Variants in PRRT2 observed in about 807,000 individuals in gnomAD.
PRRT2 encodes the protein proline-rich transmembrane protein 2.
In PRRT2, 9 loss-of-function variants were observed where a neutral mutation model predicts 24.7. The observed-to-expected ratio is 0.36, with a 90% CI of 0.22 to 0.64. The LOEUF (loss-of-function observed/expected upper bound fraction) is 0.64. Ranked by LOEUF, PRRT2 falls within the 30% of genes least tolerant of loss-of-function variation. The pLI is 0.65. For synonymous variants in PRRT2, 195 were observed against 175.5 expected, an observed-to-expected ratio of 1.11 and a Z score of -0.88; for missense variants, 460 against 435.0, an observed-to-expected ratio of 1.06 and a Z score of -0.51.
In PRRT2 at chr16:29,813,472, C is replaced by T. The variant is rs1365777114; in HGVS notation, c.418C>T (p.Pro140Ser). 6.2e-7 allele frequency: 1 copy of T among 1,613,744 alleles called. No individual in the cohort carries two copies. The change falls in exon 2 of 4, where the codon CCC becomes TCC. Residue 140 changes from proline to serine, a missense_variant. Physicochemically the swap from Pro to Ser is moderately conservative, Grantham distance 74. Around this residue, in one of 3 missense-constraint regions of PRRT2, gnomAD observed 378 missense variants for 324.6 expected, o/e 1.16. Transcript: ENST00000358758. ...ACCTGAACCAGCCCCAGAGCCTGCT[C>T]CCCAACCAGACCCCCGGCCAGATTC... Reference protein sequence around the residue: ...APPEPAPEPAPQPDPRPDSQP... With the variant: ...APPEPAPEPASQPDPRPDSQP...
At position 29,813,551 on chromosome 16, in the gene PRRT2, C is replaced by T. The variant is rs1263491405; in HGVS notation, c.497C>T (p.Pro166Leu). The T allele has an allele frequency of 3.7e-6, 6 of 1,613,742 alleles. No individual in the cohort carries two copies. The South Asian group carries it at 4.4e-5, about 12-fold the overall frequency. ...CCAGAGCTCCCTACCCAGGAGGACC[C>T]CACCCCTGAGATTCTGTCTGAGAGT... ...LQPELPTQED[P>L]TPEILSESVG... Residue 166 changes from proline (P) to leucine (L), a missense_variant, in exon 2 of 4, where the codon CCC becomes CTC. Around this residue, in one of 3 missense-constraint regions of PRRT2, gnomAD observed 378 missense variants for 324.6 expected, o/e 1.16. Coordinates refer to ENST00000358758, the MANE Select transcript of PRRT2 (RefSeq NM_145239.3).
rs1394325988 is a variant in PRRT2, at chr16:29,813,115, C to G, written c.61C>G (p.Pro21Ala). ...GGGGGTTGAGGAGAGTCCCAAGGTTCCAGGCGAAGGGCCTGGCCATTCTGA... is the reference window on the plus strand; with the variant it reads ...GGGGGTTGAGGAGAGTCCCAAGGTTGCAGGCGAAGGGCCTGGCCATTCTGA... ...MKGVEESPKV[P>A]GEGPGHSEAE... is the part of the protein sequence containing the mutation. The change falls in exon 2 of 4, where the codon CCA becomes GCA. Residue 21 changes from proline (P) to alanine (A), a missense_variant. Pro to Ala is a conservative substitution (Grantham distance 27). Transcript: ENST00000358758. The G allele has an allele frequency of 2.5e-6, 4 of 1,613,748 alleles. No homozygotes were observed. Among genetic ancestry groups the G allele is most frequent in the Non-Finnish European group, 3.4e-6 (4 of 1,179,912 alleles).
Position 29,813,116 on chromosome 16 carries a change from C to T in PRRT2, c.62C>T (p.Pro21Leu). The T allele has an allele frequency of 6.2e-7, 1 of 1,613,902 alleles. No individual in the cohort carries two copies. The highest frequency in any genetic ancestry group is 8.5e-7 in the Non-Finnish European group (1 of 1,179,924). Residue 21 changes from proline (P) to leucine (L), a missense_variant, in exon 2 of 4, where the codon CCA becomes CTA. Pro to Leu is a moderately conservative substitution (Grantham distance 98). Coordinates refer to ENST00000358758, the MANE Select transcript of PRRT2 (RefSeq NM_145239.3). ...MKGVEESPKV[P>L]GEGPGHSEAE... The stretch of plus-strand genomic sequence containing the variant: ...GGGGTTGAGGAGAGTCCCAAGGTTC[C>T]AGGCGAAGGGCCTGGCCATTCTGAA...
In PRRT2 at chr16:29,814,207, T is replaced by G; in HGVS notation, c.880-126T>G. 6.7e-7 allele frequency: 1 copy of G among 1,493,024 alleles called. No homozygotes were observed. Among genetic ancestry groups the G allele is most frequent in the Non-Finnish European group, 8.8e-7 (1 of 1,130,396 alleles). The allele number at this position is 1,493,024 out of a possible 1,614,324, so 92.5% of individuals were successfully genotyped here. A position where few individuals can be genotyped will look rare whatever the true frequency, so the allele number is the denominator to read the frequency against. The stretch of plus-strand genomic sequence containing the variant: ...CTCCCCCTGCCCCTTCACTCCTCCT[T>G]CCTCCCTTACCCGCCATCTATGGGG... On this transcript the variant is annotated intron_variant, in intron 2 of 3. Coordinates refer to ENST00000358758, the MANE Select transcript of PRRT2 (RefSeq NM_145239.3). The surrounding 1 kb of genome is among the most constrained non-coding windows in gnomAD (Gnocchi z 4.1).
Position 29,814,957 on chromosome 16 carries a change from A to C in PRRT2, c.*319A>C. The C allele has an allele frequency of 1.2e-5, 4 of 339,098 alleles. No individual in the cohort carries two copies. Among genetic ancestry groups the C allele is most frequent in the African/African-American group, 2.2e-5 (1 of 45,878 alleles). 21.0% of individuals were successfully genotyped at this position (339,098 alleles called of 1,614,324 possible). ...GGAAACCTCCCTGAACACCTCCCCA[A>C]CTCTGCGCTCTCAGCCTCCCTGCAT... On this transcript the variant is annotated 3_prime_UTR_variant, in exon 4 of 4. Transcript: ENST00000358758. The surrounding 1 kb of genome is among the most constrained non-coding windows in gnomAD (Gnocchi z 4.1).
In PRRT2 at chr16:29,813,026, A is replaced by G. The variant is rs1410903605; in HGVS notation, c.-29A>G. ...GTCTCTGCTATTCCATCCTCCCCATAGGGGCTCTCTCCCCTCTCCCATCTC... is the reference window on the plus strand; with the variant it reads ...GTCTCTGCTATTCCATCCTCCCCATGGGGGCTCTCTCCCCTCTCCCATCTC... On this transcript the variant is annotated 5_prime_UTR_variant, in exon 2 of 4. In the 5' UTR this introduces an upstream ATG that the reference lacks. Coordinates refer to ENST00000358758, the MANE Select transcript of PRRT2 (RefSeq NM_145239.3). 6.4e-7 allele frequency: 1 copy of G among 1,567,316 alleles called. No individual in the cohort carries two copies.
rs10569553 is a variant in PRRT2 at position 29,815,724 on chromosome 16, TAAAAAAA to T, written c.*1107_*1113del. The T allele has an allele frequency of 1.6e-4, 5 of 30,352 alleles. No homozygotes were observed. The highest frequency in any genetic ancestry group is 4.1e-4 in the African/African-American group (3 of 7,364). 1.9% of individuals were successfully genotyped at this position (30,352 alleles called of 1,614,324 possible). A position where few individuals can be genotyped will look rare whatever the true frequency, so the allele number is the denominator to read the frequency against. On this transcript the variant is annotated 3_prime_UTR_variant, in exon 4 of 4. Coordinates refer to ENST00000358758, the MANE Select transcript of PRRT2 (RefSeq NM_145239.3). ...CGGATTTGGCGGGGGTTTTTTTCCTTAAAAAAAAAAAAAAAAAAAAAAAAAAAGTCTG... is the reference window on the plus strand; with the variant it reads ...CGGATTTGGCGGGGGTTTTTTTCCTTAAAAAAAAAAAAAAAAAAAAGTCTG...
At position 29,814,317 on chromosome 16, in the gene PRRT2, C is replaced by T. The variant is rs1482601020; in HGVS notation, c.880-16C>T. The T allele has an allele frequency of 1.4e-5, 22 of 1,581,192 alleles. No individual in the cohort carries two copies. The Admixed American group carries it at 3.2e-4, about 23-fold the overall frequency. ...TGACCCCGGCTATGTGCCTCCACCC[C>T]TCGCCCTAACCCCAGTCCCGGAACA... On this transcript the variant is annotated splice_polypyrimidine_tract_variant and intron_variant, in intron 2 of 3. Transcript: ENST00000358758. This position sits in a 1 kb window ranked among gnomAD's most constrained non-coding sequence, Gnocchi z 4.1.
Position 29,813,457 on chromosome 16 carries a change from G to C in PRRT2, c.403G>C (p.Ala135Pro). ...RLESAAPPEP[A>P]PEPAPQPDPR... ...GGAGTCTGCAGCCCCACCTGAACCA[G>C]CCCCAGAGCCTGCTCCCCAACCAGA... Residue 135 changes from alanine (A) to proline (P), a missense_variant, in exon 2 of 4, where the codon GCC (alanine) becomes CCC (proline). Ala to Pro is a conservative substitution (Grantham distance 27). Around this residue, in one of 3 missense-constraint regions of PRRT2, gnomAD observed 378 missense variants for 324.6 expected, o/e 1.16. Transcript: ENST00000358758. The C allele has an allele frequency of 6.2e-7, 1 of 1,613,838 alleles. No individual in the cohort carries two copies. The highest frequency in any genetic ancestry group is 2.2e-5 in the East Asian group (1 of 44,880).
chr16:29,815,110 A>C lies in PRRT2; in HGVS notation c.*472A>C. 6.2e-6 allele frequency: 1 copy of C among 162,394 alleles called. No individual in the cohort carries two copies. 10.1% of individuals were successfully genotyped at this position (162,394 alleles called of 1,614,324 possible). A position where few individuals can be genotyped will look rare whatever the true frequency, so the allele number is the denominator to read the frequency against. ...CAGTCCTCTCTTCCTTCCCTTCTTTATCATCTCCCCTTTCCTCTCCACGTC... is the reference window on the plus strand; with the variant it reads ...CAGTCCTCTCTTCCTTCCCTTCTTTCTCATCTCCCCTTTCCTCTCCACGTC... On this transcript the variant is annotated 3_prime_UTR_variant, in exon 4 of 4. Coordinates refer to ENST00000358758, the MANE Select transcript of PRRT2 (RefSeq NM_145239.3).
In PRRT2 at chr16:29,813,175, G is replaced by T; in HGVS notation, c.121G>T (p.Val41Leu). ...TGGCCCTCCCCAGGTCCTAGCAGGGGTACCAGACCAGCCAGAGGCCCCGCA... is the reference window on the plus strand; with the variant it reads ...TGGCCCTCCCCAGGTCCTAGCAGGGTTACCAGACCAGCCAGAGGCCCCGCA... ...ETGPPQVLAG[V>L]PDQPEAPQPG... The change falls in exon 2 of 4, where the codon GTA becomes TTA. Residue 41 changes from valine (V) to leucine (L), a missense_variant. Val to Leu is a conservative substitution (Grantham distance 32). Around this residue, in one of 3 missense-constraint regions of PRRT2, gnomAD observed 378 missense variants for 324.6 expected, o/e 1.16. Transcript: ENST00000358758. The T allele has an allele frequency of 6.2e-7, 1 of 1,613,976 alleles. No homozygotes were observed. The highest frequency in any genetic ancestry group is 8.5e-7 in the Non-Finnish European group (1 of 1,180,004).
In PRRT2 at chr16:29,813,941, C is replaced by T. The variant is rs748085126; in HGVS notation, c.879+8C>T. ...TTCGCTTATGCTGTCATGGTGAGCC[C>T]CATGGGACCCTAGCCCAGGCCTGCT... On this transcript the variant is annotated splice_region_variant and intron_variant, in intron 2 of 3. Transcript: ENST00000358758. The T allele has an allele frequency of 4.5e-6, 7 of 1,571,222 alleles. No individual in the cohort carries two copies. The highest frequency in any genetic ancestry group is 6.0e-6 in the Non-Finnish European group (7 of 1,157,510).
At chr16:29,812,435 G>A (rs1900021657) in intron 1 of PRRT2, 112 bp downstream of exon 1, 1 of 153,056 alleles carries the variant, frequency 6.5e-6, no homozygotes, top group Admixed American at 6.5e-5. Flanking sequence ...GGTGCTGGGC[G>A]GGCTGAACCA....
In PRRT2 at chr16:29,814,417, G is replaced by T. The variant is rs778438274; in HGVS notation, c.964G>T (p.Val322Leu). The T allele has an allele frequency of 1.9e-6, 3 of 1,608,494 alleles. No individual in the cohort carries two copies. Among genetic ancestry groups the T allele is most frequent in the East Asian group, 2.2e-5 (1 of 44,858 alleles). The change falls in exon 3 of 4, where the codon GTG becomes TTG. Residue 322 changes from valine to leucine, a missense_variant. Val to Leu is a conservative substitution (Grantham distance 32, BLOSUM62 1). Around this residue, in one of 3 missense-constraint regions of PRRT2, gnomAD observed 64 missense variants for 71.2 expected, o/e 0.90. Transcript: ENST00000358758. The surrounding 1 kb of genome is among the most constrained non-coding windows in gnomAD (Gnocchi z 4.1). ...VAKLLSIVAL[V>L]GGVLIIIASC... Reference sequence around the variant, plus strand: ...CAAGCTCTTAAGCATCGTGGCGCTGGTGGGGGGAGTCCTCATCATCATCGC... The same window carrying T: ...CAAGCTCTTAAGCATCGTGGCGCTGTTGGGGGGAGTCCTCATCATCATCGC...
chr16:29,813,612 C>T lies in PRRT2; in HGVS notation c.558C>T (p.Pro186=), dbSNP rs199702606. The T allele has an allele frequency of 1.9e-6, 3 of 1,613,318 alleles. No homozygotes were observed. Among genetic ancestry groups the T allele is most frequent in the Admixed American group, 3.3e-5 (2 of 59,944 alleles). Reference sequence around the variant, plus strand: ...AGCAAGAGAATGGGGCAGTGGTGCCCCTGCAGGCTGGTGATGGGGAAGAGG... The same window carrying T: ...AGCAAGAGAATGGGGCAGTGGTGCCTCTGCAGGCTGGTGATGGGGAAGAGG... ...GEKQENGAVV[P]LQAGDGEEGP... Residue 186 remains proline, a synonymous_variant, in exon 2 of 4, where the codon CCC becomes CCT. Coordinates refer to ENST00000358758, the MANE Select transcript of PRRT2 (RefSeq NM_145239.3).
At position 29,814,895 on chromosome 16, in the gene PRRT2, C is replaced by G. The variant is rs553405687; in HGVS notation, c.*257C>G. On this transcript the variant is annotated 3_prime_UTR_variant, in exon 4 of 4. Transcript: ENST00000358758. This position sits in a 1 kb window ranked among gnomAD's most constrained non-coding sequence, Gnocchi z 4.1. The stretch of plus-strand genomic sequence containing the variant: ...CTGCATCCCCTCCGGCCTCTTGGCC[C>G]CCTATCCCTGCACTTCTGGAAACCT... 2.0e-6 allele frequency: 1 copy of G among 499,416 alleles called. No individual in the cohort carries two copies. Among genetic ancestry groups the G allele is most frequent in the East Asian group, 3.5e-5 (1 of 28,800 alleles). The allele number at this position is 499,416 out of a possible 1,614,324, so 30.9% of individuals were successfully genotyped here. A position where few individuals can be genotyped will look rare whatever the true frequency, so the allele number is the denominator to read the frequency against.
rs750772830 is a variant in PRRT2 at position 29,814,647 on chromosome 16, G to GC, written c.*13dup. 1.3e-5 allele frequency: 21 copies of GC among 1,609,164 alleles called. No individual in the cohort carries two copies. In the African/African-American group the frequency reaches 2.8e-4, roughly 22 times the overall value. On this transcript the variant is annotated 3_prime_UTR_variant, in exon 4 of 4. Transcript: ENST00000358758. The surrounding 1 kb of genome is among the most constrained non-coding windows in gnomAD (Gnocchi z 4.1). ...CCACAGTGTATAAGTGAGGGGCTCTGCCCCGCATCCCAAGACTTTTCTTCC... is the reference window on the plus strand; with the variant it reads ...CCACAGTGTATAAGTGAGGGGCTCTGCCCCCGCATCCCAAGACTTTTCTTCC...
At position 29,814,409 on chromosome 16, in the gene PRRT2, T is replaced by A; in HGVS notation, c.956T>A (p.Val319Glu). ...CGGGTAGCCAAGCTCTTAAGCATCGTGGCGCTGGTGGGGGGAGTCCTCATC... is the reference window on the plus strand; with the variant it reads ...CGGGTAGCCAAGCTCTTAAGCATCGAGGCGCTGGTGGGGGGAGTCCTCATC... ...LGRVAKLLSI[V>E]ALVGGVLIII... Residue 319 changes from valine to glutamate, a missense_variant, in exon 3 of 4, where the codon GTG becomes GAG. Transcript: ENST00000358758. The surrounding 1 kb of genome is among the most constrained non-coding windows in gnomAD (Gnocchi z 4.1). 1 of 1,609,702 alleles carries A rather than the reference T, an allele frequency of 6.2e-7. No individual in the cohort carries two copies. Among genetic ancestry groups the A allele is most frequent in the Non-Finnish European group, 8.5e-7 (1 of 1,178,032 alleles).
chr16:29,813,594 G>T lies in PRRT2; in HGVS notation c.540G>T (p.Glu180Asp). 1.2e-6 allele frequency: 2 copies of T among 1,613,600 alleles called. No homozygotes were observed. The highest frequency in any genetic ancestry group is 8.5e-7 in the Non-Finnish European group (1 of 1,179,790). ...ILSESVGEKQ[E>D]NGAVVPLQAG... ...CTGAGAGTGTAGGGGAAAAGCAAGA[G>T]AATGGGGCAGTGGTGCCCCTGCAGG... The change falls in exon 2 of 4, where the codon GAG (glutamate) becomes GAT (aspartate). Residue 180 changes from glutamate (E) to aspartate (D), a missense_variant. Physicochemically the swap from Glu to Asp is conservative, Grantham distance 45. This residue lies in a region of PRRT2 where 378 missense variants were observed against 324.6 expected (regional missense o/e 1.16). Coordinates refer to ENST00000358758, the MANE Select transcript of PRRT2 (RefSeq NM_145239.3).
Sources: gnomAD v4.1 joint callset for allele counts on GRCh38, gnomAD v4.1.1 for gene constraint, gnomAD v4.1.1 regional missense constraint, Gnocchi (gnomAD v3.1) non-coding constraint, MANE v1.5 for transcripts, NCBI Gene and HGNC (gene_info 2026-07-23, HGNC 2026-07-21) for gene names.